ARHGAP24: variants seen among roughly 807,000 people sequenced by gnomAD.
ARHGAP24 encodes Rho GTPase activating protein 24, also known as rho GTPase-activating protein 24.
Under a neutral mutation model 76.4 loss-of-function variants are expected in ARHGAP24, and 50 were observed. The ratio of observed to expected loss-of-function variants is 0.65; its 90% CI spans 0.52 to 0.83. The LOEUF (loss-of-function observed/expected upper bound fraction) is 0.83. Among genes scored for constraint, ARHGAP24 ranks in the 40% least tolerant of loss-of-function variants. The pLI, the probability that ARHGAP24 is intolerant of heterozygous loss-of-function variation, is 0.00. For missense variants in ARHGAP24, 930 were observed against 914.2 expected (o/e 1.02, Z -0.22); for synonymous variants, 345 against 323.3 (o/e 1.07, Z -0.72).
At chr4:85,599,671 ATT>A (rs371489635) in intron 2 of ARHGAP24, among the ~76,000 whole-genome samples, 2 of 151,740 alleles carry the variant, frequency 1.3e-5, no homozygotes, top group Non-Finnish European at 2.9e-5. Context: ...CTATTAAATT[ATT>A]TTTTTTTTGT....
intron 1 of ARHGAP24, among the ~76,000 whole-genome samples, chr4:85,491,074 G>C (rs377621116): frequency 2.0e-5 from 3 of 152,038 alleles, no homozygotes; most frequent in East Asian, 3.9e-4. Flanking sequence ...TATTTATAAG[G>C]GTCATACAAA....
intron 4 of ARHGAP24, among the ~76,000 whole-genome samples, chr4:85,929,746 C>T (rs1047992165): frequency 6.6e-6 from 1 of 152,156 alleles, no homozygotes; most frequent in Non-Finnish European, 1.5e-5. Context: ...CACACATACA[C>T]ATGTATAAAT....
chr4:85,543,150 T>G (rs969758604), intron 1 of ARHGAP24, among the ~76,000 whole-genome samples: 1 of 152,100 alleles, frequency 6.6e-6, no homozygotes, highest in Admixed American at 6.5e-5. Flanking sequence ...TGGAGGAAAA[T>G]AATGAACAAT....
chr4:85,664,361 C>A (rs2109995287), intron 2 of ARHGAP24, among the ~76,000 whole-genome samples: 1 of 150,986 alleles, frequency 6.6e-6, no homozygotes, highest in Non-Finnish European at 1.5e-5. Flanking sequence ...GGTGATATCC[C>A]CTTTATCATT....
chr4:85,669,426 A>T (rs1028376938), intron 2 of ARHGAP24, among the ~76,000 whole-genome samples: 6 of 151,920 alleles, frequency 3.9e-5, no homozygotes, highest in Non-Finnish European at 8.8e-5. Context: ...TAGTCTAGAC[A>T]TCACATAAGG....
At chr4:85,846,606 C>T (rs546915824) in intron 3 of ARHGAP24, among the ~76,000 whole-genome samples, 19 of 152,326 alleles carry the variant, frequency 1.2e-4, no homozygotes, top group Admixed American at 2.0e-4. Context: ...GTGATGGGGT[C>T]ATTCTCAGAC....
chr4:85,875,689 A>C (rs1246518489), intron 3 of ARHGAP24, among the ~76,000 whole-genome samples: 2 of 132,230 alleles, frequency 1.5e-5, no homozygotes, highest in African/African-American at 2.9e-5. Flanking sequence ...ATAAATATTA[A>C]AAATAATATT....
At chr4:85,970,707 C>T (rs1335168351) in intron 5 of ARHGAP24, among the ~76,000 whole-genome samples, 2 of 152,252 alleles carry the variant, frequency 1.3e-5, no homozygotes, top group Non-Finnish European at 2.9e-5. Context: ...CTCCCAACTT[C>T]TCAGAGCACA....
intron 1 of ARHGAP24, among the ~76,000 whole-genome samples, chr4:85,541,495 G>C (rs1376405185): frequency 6.6e-6 from 1 of 152,096 alleles, no homozygotes; most frequent in African/African-American, 2.4e-5. Flanking sequence ...TAAAATCCCA[G>C]ATCCTTCACA....
intron 3 of ARHGAP24, among the ~76,000 whole-genome samples, chr4:85,827,578 G>A (rs907781537): frequency 4.6e-5 from 7 of 151,408 alleles, no homozygotes; most frequent in African/African-American, 9.7e-5. Flanking sequence ...TTGGCTTGGT[G>A]CCATTTGGGA....
At chr4:85,726,744 A>T (rs1350453434) in intron 3 of ARHGAP24, among the ~76,000 whole-genome samples, 1 of 152,188 alleles carries the variant, frequency 6.6e-6, no homozygotes, top group Non-Finnish European at 1.5e-5. Flanking sequence ...ATTCCAGGCA[A>T]TGTTCCAGGC....
chr4:85,535,956 A>C (rs1725452734), intron 1 of ARHGAP24, among the ~76,000 whole-genome samples: 1 of 152,062 alleles, frequency 6.6e-6, no homozygotes, highest in Admixed American at 6.6e-5. Flanking sequence ...CTAGTTGTTG[A>C]TTGCCTGTGT....
intron 2 of ARHGAP24, among the ~76,000 whole-genome samples, chr4:85,707,583 G>A (rs1239301668): frequency 6.6e-6 from 1 of 151,982 alleles, no homozygotes; most frequent in African/African-American, 2.4e-5. Flanking sequence ...TAACAAGCAG[G>A]GATCCCTTAT....
At chr4:85,598,868 T>C (rs1435355341) in intron 2 of ARHGAP24, among the ~76,000 whole-genome samples, 1 of 151,508 alleles carries the variant, frequency 6.6e-6, no homozygotes, top group Non-Finnish European at 1.5e-5. Flanking sequence ...CTATATTAAA[T>C]TTCCCAGGAG....
chr4:85,774,257 A>T (rs921957463), intron 3 of ARHGAP24, among the ~76,000 whole-genome samples: 2 of 152,218 alleles, frequency 1.3e-5, no homozygotes, highest in African/African-American at 4.8e-5. Flanking sequence ...GCAGTAGGAC[A>T]TGAGACAGGA....
intron 1 of ARHGAP24, among the ~76,000 whole-genome samples, chr4:85,526,407 A>C (rs1724995259): frequency 6.6e-6 from 1 of 151,904 alleles, no homozygotes; most frequent in Non-Finnish European, 1.5e-5. Flanking sequence ...CAAAAAAAAA[A>C]AAAAAGAAAC....
chr4:85,687,736 T>A (rs1723479901), intron 2 of ARHGAP24, among the ~76,000 whole-genome samples: 1 of 152,206 alleles, frequency 6.6e-6, no homozygotes, highest in African/African-American at 2.4e-5. Flanking sequence ...GGTTTTTTTT[T>A]CTTTTTTCAG....
chr4:85,558,885 T>C (rs1236198866), intron 1 of ARHGAP24, among the ~76,000 whole-genome samples: 1 of 152,252 alleles, frequency 6.6e-6, no homozygotes, highest in Non-Finnish European at 1.5e-5. Context: ...TGAAGTGTAG[T>C]TGAATAAATA....
intron 3 of ARHGAP24, among the ~76,000 whole-genome samples, chr4:85,742,320 G>A (rs550789333): frequency 6.6e-6 from 1 of 152,278 alleles, no homozygotes; most frequent in Admixed American, 6.5e-5. Context: ...GAGAAAATGA[G>A]GGAGGACAGA....
Sources: allele counts gnomAD v4.1 joint callset (sites outside exome capture counted in the v4.1 genomes callset), GRCh38; gene constraint gnomAD v4.1.1; transcripts MANE v1.5; gene names NCBI Gene and HGNC (gene_info 2026-07-23, HGNC 2026-07-21).